Variants in PDLIM5 observed in about 807,000 individuals in gnomAD.
PDLIM5 encodes PDZ and LIM domain protein 5.
A neutral mutation model predicts 64.2 loss-of-function variants in PDLIM5; 34 were observed. That is an observed-to-expected ratio of 0.53 (90% confidence interval 0.40 to 0.71). The LOEUF is 0.71. Ranked by LOEUF, PDLIM5 falls within the 30% of genes least tolerant of loss-of-function variation. PDLIM5 has a pLI of 0.00. For synonymous variants in PDLIM5, 253 were observed against 269.1 expected, an observed-to-expected ratio of 0.94 and a Z score of 0.59; for missense variants, 683 against 733.6, an observed-to-expected ratio of 0.93 and a Z score of 0.80.
chr4:94,614,868 C>T (rs1190094666), intron 7 of PDLIM5, among the ~76,000 whole-genome samples: 3 of 152,126 alleles, frequency 2.0e-5, no homozygotes, highest in Non-Finnish European at 4.4e-5. Flanking sequence ...ATTGAGGAAG[C>T]AAGATTTTGT....
intron 7 of PDLIM5, among the ~76,000 whole-genome samples, chr4:94,595,814 A>G (rs1737028312): frequency 1.3e-5 from 2 of 152,196 alleles, no homozygotes; most frequent in Admixed American, 6.5e-5. Flanking sequence ...CAAAGAAAGC[A>G]GGAATTATTC....
At chr4:94,658,166 A>C (rs1237826209) in intron 11 of PDLIM5, among the ~76,000 whole-genome samples, 1 of 152,258 alleles carries the variant, frequency 6.6e-6, no homozygotes. Flanking sequence ...CTTGTAGTCC[A>C]GTAGTGAATT....
At chr4:94,576,960 G>A (rs539024950) in intron 5 of PDLIM5, among the ~76,000 whole-genome samples, 50 of 152,156 alleles carry the variant, frequency 3.3e-4, no homozygotes, top group Admixed American at 1.4e-3. Flanking sequence ...TAAGTTGGCC[G>A]TGAGAGGTTA....
intron 2 of PDLIM5, among the ~76,000 whole-genome samples, chr4:94,474,303 T>C (rs1725131878): frequency 6.6e-6 from 1 of 152,184 alleles, no homozygotes; most frequent in Non-Finnish European, 1.5e-5. Context: ...CAGGGTGGAG[T>C]GCAGTGGTGC....
At chr4:94,545,870 T>C (rs1346756721) in intron 3 of PDLIM5, among the ~76,000 whole-genome samples, 1 of 152,206 alleles carries the variant, frequency 6.6e-6, no homozygotes, top group African/African-American at 2.4e-5. Context: ...AATATTGTTT[T>C]TTCTTGTCCT....
chr4:94,604,504 C>T (rs550961914), intron 7 of PDLIM5, among the ~76,000 whole-genome samples: 10 of 152,196 alleles, frequency 6.6e-5, no homozygotes, highest in South Asian at 2.1e-4. Flanking sequence ...CGTGGTGGCA[C>T]GTACCTGTAG....
chr4:94,482,392 A>G (rs1303089636), intron 2 of PDLIM5, among the ~76,000 whole-genome samples: 2 of 152,224 alleles, frequency 1.3e-5, no homozygotes, highest in Middle Eastern at 3.4e-3. Flanking sequence ...TCTGAGTTCA[A>G]TATTGGTTTG....
intron 8 of PDLIM5, among the ~76,000 whole-genome samples, chr4:94,620,365 C>T (rs955945981): frequency 2.0e-5 from 3 of 152,204 alleles, no homozygotes; most frequent in Admixed American, 1.3e-4. Context: ...AAAACCCCAT[C>T]TCTACTAAAA....
chr4:94,635,514 A>C (rs1740487465), intron 8 of PDLIM5, among the ~76,000 whole-genome samples: 1 of 152,126 alleles, frequency 6.6e-6, no homozygotes, highest in African/African-American at 2.4e-5. Context: ...GCTATCTCTA[A>C]AGAGGTGTAT....
At chr4:94,459,797 A>G (rs1241909935) in intron 2 of PDLIM5, among the ~76,000 whole-genome samples, 2 of 152,238 alleles carry the variant, frequency 1.3e-5, no homozygotes, top group Non-Finnish European at 1.5e-5. Context: ...TGATCCTCAA[A>G]GGATGAAATT....
intron 5 of PDLIM5, among the ~76,000 whole-genome samples, chr4:94,581,759 A>G (rs1295377758): frequency 2.0e-5 from 3 of 151,596 alleles, no homozygotes; most frequent in Non-Finnish European, 2.9e-5. Context: ...GGCAAACTAT[A>G]CAGTTTATAC....
At chr4:94,598,282 G>A (rs185670492) in intron 7 of PDLIM5, among the ~76,000 whole-genome samples, 24 of 152,190 alleles carry the variant, frequency 1.6e-4, no homozygotes, top group African/African-American at 5.5e-4. Flanking sequence ...TAGTCATGTC[G>A]TATGGCTCCT....
At chr4:94,628,396 ATATCT>A (rs1366749046) in intron 8 of PDLIM5, among the ~76,000 whole-genome samples, 3 of 152,210 alleles carry the variant, frequency 2.0e-5, no homozygotes, top group Non-Finnish European at 4.4e-5. Flanking sequence ...TAATTGAGAG[ATATCT>A]TAGAGAATTA....
At position 94,610,345 on chromosome 4, in the gene PDLIM5, C is replaced by T. The variant is rs75372100; in HGVS notation, c.921-7659C>T. 332 of 1,343,548 alleles carry T rather than the reference C, an allele frequency of 2.5e-4. No individual in the cohort carries two copies. The Middle Eastern group carries it at 3.6e-3, about 15-fold the overall frequency. The allele number at this position is 1,343,548 out of a possible 1,614,324, so 83.2% of individuals were successfully genotyped here. A position where few individuals can be genotyped will look rare whatever the true frequency, so the allele number is the denominator to read the frequency against. On this transcript the variant is annotated intron_variant, in intron 7 of 12. Transcript: ENST00000317968. The stretch of plus-strand genomic sequence containing the variant: ...CAGCGTCTGTCTGATGTGATCTCAG[C>T]GCTCTTCACTGTCTTACAAGTCACC...
chr4:94,493,830 C>G (rs1047487703), intron 2 of PDLIM5, among the ~76,000 whole-genome samples: 2 of 152,162 alleles, frequency 1.3e-5, no homozygotes, highest in African/African-American at 4.8e-5. Flanking sequence ...TTTTCATAGA[C>G]TATTGTAATC....
chr4:94,551,499 G>A (rs1256377951), intron 3 of PDLIM5, among the ~76,000 whole-genome samples: 2 of 152,074 alleles, frequency 1.3e-5, no homozygotes, highest in African/African-American at 4.8e-5. Context: ...AGATTACTGG[G>A]TTTCATCGTC....
intron 7 of PDLIM5, among the ~76,000 whole-genome samples, chr4:94,612,228 AAC>A (rs1738427043): frequency 6.6e-6 from 1 of 152,184 alleles, no homozygotes; most frequent in South Asian, 2.1e-4. Flanking sequence ...AAAAAACAAA[AAC>A]AAAAGCAAAC....
In PDLIM5 at chr4:94,664,772, A is replaced by G. The variant is rs1742988360; in HGVS notation, c.*705A>G. 5.0e-6 allele frequency: 1 copy of G among 201,372 alleles called. No individual in the cohort carries two copies. Among genetic ancestry groups the G allele is most frequent in the African/African-American group, 2.4e-5 (1 of 42,426 alleles). The allele number at this position is 201,372 out of a possible 1,614,324, so 12.5% of individuals were successfully genotyped here. A position where few individuals can be genotyped will look rare whatever the true frequency, so the allele number is the denominator to read the frequency against. ...GTAATCCCAGCTACTCAAGAGGCTG[A>G]GGCACGAGAATCACTTGAACCCGGG... On this transcript the variant is annotated 3_prime_UTR_variant, in exon 13 of 13. Transcript: ENST00000317968.
chr4:94,564,925 G>A, intron 3 of PDLIM5, among the ~76,000 whole-genome samples: 1 of 152,010 alleles, frequency 6.6e-6, no homozygotes, highest in East Asian at 1.9e-4. Flanking sequence ...CAAAGTGCTG[G>A]GATTACAGGC....
Sources: allele counts gnomAD v4.1 joint callset (sites outside exome capture counted in the v4.1 genomes callset), GRCh38; gene constraint gnomAD v4.1.1; transcripts MANE v1.5; gene names NCBI Gene and HGNC (gene_info 2026-07-23, HGNC 2026-07-21).